The following DOCK10 variants were observed in gnomAD, a reference collection of about 807,000 sequenced individuals.
The protein encoded by DOCK10 is dedicator of cytokinesis protein 10.
DOCK10 carries 145 observed loss-of-function variants against 280.1 expected under a neutral mutation model. The ratio of observed to expected loss-of-function variants is 0.52; its 90% confidence interval spans 0.45 to 0.59. The LOEUF is 0.59. DOCK10 is among the 20% of genes least tolerant of loss of function. The pLI, the probability that DOCK10 is intolerant of heterozygous loss-of-function variation, is 0.00. For missense variants in DOCK10, 2,368 were observed against 2,651.7 expected, an observed-to-expected ratio of 0.89 and a Z score of 2.35; for synonymous variants, 915 against 942.2, an observed-to-expected ratio of 0.97 and a Z score of 0.53.
At chr2:224,929,046 A>G (rs1482014215) in intron 2 of DOCK10, among the ~76,000 whole-genome samples, 1 of 152,118 alleles carries the variant, frequency 6.6e-6, no homozygotes, top group Non-Finnish European at 1.5e-5. Flanking sequence ...CTTCTTGAGA[A>G]CTCAGAACTC....
chr2:224,881,368 C>T (rs1019353883), intron 7 of DOCK10, among the ~76,000 whole-genome samples: 4 of 152,090 alleles, frequency 2.6e-5, no homozygotes, highest in Admixed American at 2.0e-4. Flanking sequence ...TGCAAGTTTT[C>T]CAATATATAC....
At chr2:225,007,031 G>A (rs987406081) in intron 1 of DOCK10, among the ~76,000 whole-genome samples, 3 of 152,170 alleles carry the variant, frequency 2.0e-5, no homozygotes, top group Non-Finnish European at 2.9e-5. Flanking sequence ...TGAAAGGAAC[G>A]TGAGATAGAT....
chr2:224,851,317 A>C (rs1454718410), intron 18 of DOCK10, among the ~76,000 whole-genome samples: 7 of 152,188 alleles, frequency 4.6e-5, no homozygotes, highest in Non-Finnish European at 1.0e-4. Context: ...TCTACAGGCC[A>C]AACGTGCTTG....
At chr2:224,907,840 T>C (rs1009174090) in intron 3 of DOCK10, among the ~76,000 whole-genome samples, 15 of 152,218 alleles carry the variant, frequency 9.9e-5, no homozygotes, top group African/African-American at 3.6e-4. Flanking sequence ...GATTTCTGTT[T>C]TACTTGAACT....
intron 1 of DOCK10, among the ~76,000 whole-genome samples, chr2:225,004,717 A>G (rs971049451): frequency 3.9e-5 from 6 of 152,234 alleles, no homozygotes; most frequent in Non-Finnish European, 8.8e-5. Flanking sequence ...TGTTTTCCTA[A>G]GACAGAACCA....
chr2:224,806,528 T>G (rs1693406388), intron 33 of DOCK10, among the ~76,000 whole-genome samples: 3 of 152,198 alleles, frequency 2.0e-5, no homozygotes, highest in Admixed American at 2.0e-4. Context: ...ATGGATCACA[T>G]TATAGATATA....
In DOCK10 at chr2:224,773,694, C is replaced by T. The variant is rs944766233; in HGVS notation, c.6014-347G>A. On this transcript the variant is annotated intron_variant, in intron 52 of 55. Coordinates refer to ENST00000258390, the MANE Select transcript of DOCK10 (RefSeq NM_014689.3). ...GTAGCCAGGCTGGAGTGCAGTGGCG[C>T]GATCTCGGCTCACTGCAGTCTCCGC... Among the ~76,000 whole-genome samples the T allele has an allele frequency of 8.6e-5, 13 of 151,256 alleles. No homozygotes were observed. In the East Asian group the frequency reaches 1.2e-3, roughly 14 times the overall value.
intron 1 of DOCK10, among the ~76,000 whole-genome samples, chr2:224,992,906 A>G (rs1706167507): frequency 1.3e-5 from 2 of 152,264 alleles, no homozygotes; most frequent in Non-Finnish European, 2.9e-5. Flanking sequence ...ACCAATGACC[A>G]GTGGCTGGAC....
chr2:224,942,917 T>C (rs1484655772), intron 1 of DOCK10, among the ~76,000 whole-genome samples: 2 of 152,234 alleles, frequency 1.3e-5, no homozygotes, highest in Non-Finnish European at 2.9e-5. Context: ...TTCATATATT[T>C]TTATGACTGT....
chr2:225,014,798 A>T (rs1005676813), intron 1 of DOCK10, among the ~76,000 whole-genome samples: 4 of 152,174 alleles, frequency 2.6e-5, no homozygotes, highest in African/African-American at 4.8e-5. Flanking sequence ...TTCTCTCATA[A>T]ACCAGGTCCA....
At chr2:224,959,664 T>G (rs1306349527) in intron 1 of DOCK10, among the ~76,000 whole-genome samples, 1 of 152,228 alleles carries the variant, frequency 6.6e-6, no homozygotes, top group Admixed American at 6.5e-5. Context: ...GGAAATAATT[T>G]TGGGGCTGTT....
intron 52 of DOCK10, 99 bp downstream of exon 52, chr2:224,774,806 G>T: frequency 9.0e-7 from 1 of 1,116,442 alleles, no homozygotes. Context: ...GTACTTCTCT[G>T]CAGGACTGAA....
intron 1 of DOCK10, among the ~76,000 whole-genome samples, chr2:224,958,109 T>C (rs1485990809): frequency 6.6e-6 from 1 of 152,224 alleles, no homozygotes; most frequent in African/African-American, 2.4e-5. Flanking sequence ...AACCACAGTA[T>C]CTACTTTATT....
At chr2:224,980,805 G>A (rs1705705585) in intron 1 of DOCK10, among the ~76,000 whole-genome samples, 1 of 152,086 alleles carries the variant, frequency 6.6e-6, no homozygotes, top group South Asian at 2.1e-4. Flanking sequence ...CAACCTTTCT[G>A]AGCCTTTATT....
At chr2:225,008,980 T>C (rs549826232) in intron 1 of DOCK10, among the ~76,000 whole-genome samples, 1 of 152,326 alleles carries the variant, frequency 6.6e-6, no homozygotes, top group South Asian at 2.1e-4. Flanking sequence ...GAGTTGTACA[T>C]TTATCATGTT....
chr2:224,962,914 AT>A (rs1276937229), intron 1 of DOCK10, among the ~76,000 whole-genome samples: 1 of 151,990 alleles, frequency 6.6e-6, no homozygotes, highest in Non-Finnish European at 1.5e-5. Flanking sequence ...CCACAGTTGT[AT>A]TTTTTTTCTG....
At chr2:224,821,091 T>C (rs1293065863) in intron 28 of DOCK10, among the ~76,000 whole-genome samples, 1 of 152,178 alleles carries the variant, frequency 6.6e-6, no homozygotes, top group African/African-American at 2.4e-5. Flanking sequence ...ACTGAGAGAA[T>C]AGTTGAGAAA....
At chr2:224,947,825 C>A (rs1007291607) in intron 1 of DOCK10, among the ~76,000 whole-genome samples, 19 of 152,130 alleles carry the variant, frequency 1.2e-4, no homozygotes, top group African/African-American at 4.3e-4. Context: ...GCTGTATGTT[C>A]CATGAGCATG....
intron 1 of DOCK10, among the ~76,000 whole-genome samples, chr2:224,957,372 C>T (rs1270544715): frequency 6.7e-6 from 1 of 149,146 alleles, no homozygotes; most frequent in Non-Finnish European, 1.5e-5. Context: ...CTCACTGCAA[C>T]CTTGAACTCT....
Sources: allele counts gnomAD v4.1 joint callset (sites outside exome capture counted in the v4.1 genomes callset), GRCh38; gene constraint gnomAD v4.1.1; transcripts MANE v1.5; gene names NCBI Gene and HGNC (gene_info 2026-07-23, HGNC 2026-07-21).